EIF2AK3: variants seen among roughly 807,000 people sequenced by gnomAD.
EIF2AK3 encodes eukaryotic translation initiation factor 2-alpha kinase 3.
Under a neutral mutation model 113.5 loss-of-function variants are expected in EIF2AK3, and 50 were observed. The observed-to-expected ratio is 0.44, with a 90% CI of 0.35 to 0.56. The LOEUF is 0.56. EIF2AK3 is among the 20% of genes least tolerant of loss of function. The pLI, the probability that EIF2AK3 is intolerant of heterozygous loss-of-function variation, is 0.00. For missense variants in EIF2AK3, 1,185 were observed against 1,378.0 expected, an observed-to-expected ratio of 0.86 and a Z score of 2.22; for synonymous variants, 448 against 495.4, an observed-to-expected ratio of 0.90 and a Z score of 1.27.
chr2:88,560,706 G>T (rs980410400), intron 15 of EIF2AK3, among the ~76,000 whole-genome samples: 2 of 148,908 alleles, frequency 1.3e-5, no homozygotes, highest in African/African-American at 4.9e-5. Context: ...AGCTTTTAGG[G>T]CCTTTATTTC....
intron 14 of EIF2AK3, among the ~76,000 whole-genome samples, chr2:88,563,500 T>TCA (rs767741469): frequency 1.3e-5 from 2 of 152,206 alleles, no homozygotes; most frequent in Non-Finnish European, 2.9e-5. Flanking sequence ...AAGGACACCC[T>TCA]CACACACTAT....
chr2:88,583,899 GCAAA>G (rs71960349), intron 9 of EIF2AK3, among the ~76,000 whole-genome samples: 22,191 of 151,816 alleles, frequency 0.15, 2,737 homozygotes, highest in African/African-American at 0.34. Flanking sequence ...GGGAAAAAAA[GCAAA>G]CAAACAAAAA....
intron 8 of EIF2AK3, among the ~76,000 whole-genome samples, chr2:88,586,552 T>C (rs1266629493): frequency 6.6e-6 from 1 of 151,824 alleles, no homozygotes; most frequent in Non-Finnish European, 1.5e-5. Flanking sequence ...TGTCTTCTAT[T>C]TTGTACTACG....
chr2:88,616,170 A>G (rs1675563912), intron 1 of EIF2AK3, among the ~76,000 whole-genome samples: 2 of 152,100 alleles, frequency 1.3e-5, no homozygotes, highest in African/African-American at 4.8e-5. Flanking sequence ...AATACCATCT[A>G]TATCCTGGCA....
chr2:88,623,357 T>A (rs1446074855), intron 1 of EIF2AK3, among the ~76,000 whole-genome samples: 2 of 152,200 alleles, frequency 1.3e-5, no homozygotes, highest in Non-Finnish European at 2.9e-5. Context: ...AACAAGTTTA[T>A]TTTAGCTAAC....
In EIF2AK3 at chr2:88,627,198, C is replaced by A; in HGVS notation, c.77G>T (p.Arg26Met). The A allele has an allele frequency of 6.9e-7, 1 of 1,456,400 alleles. No homozygotes were observed. Among genetic ancestry groups the A allele is most frequent in the Non-Finnish European group, 9.0e-7 (1 of 1,112,362 alleles). 90.2% of individuals were successfully genotyped at this position (1,456,400 alleles called of 1,614,324 possible). A position where few individuals can be genotyped will look rare whatever the true frequency, so the allele number is the denominator to read the frequency against. ...ACGGGCGCGCCCCGCGGCCACCGTCCTTGCCGCGAGCCCCAGCAGCAGCAG... is the reference window on the plus strand; with the variant it reads ...ACGGGCGCGCCCCGCGGCCACCGTCATTGCCGCGAGCCCCAGCAGCAGCAG... ...LLLLLLGLAARTVAAGRARGL... is the reference protein window; with the variant it reads ...LLLLLLGLAAMTVAAGRARGL... Residue 26 changes from arginine to methionine, a missense_variant, in exon 1 of 17, where the codon AGG (arginine) becomes ATG (methionine). Physicochemically the swap from Arg to Met is moderately conservative, Grantham distance 91. Around this residue, in one of 3 missense-constraint regions of EIF2AK3, gnomAD observed 189 missense variants for 175.2 expected, o/e 1.08. Coordinates refer to ENST00000303236, the MANE Select transcript of EIF2AK3 (RefSeq NM_004836.7).
chr2:88,591,885 TCAAA>T (rs1674896328), intron 4 of EIF2AK3, among the ~76,000 whole-genome samples: 1 of 152,104 alleles, frequency 6.6e-6, no homozygotes, highest in Non-Finnish European at 1.5e-5. Flanking sequence ...CAGTAAGCAC[TCAAA>T]CACTTAAAAA....
chr2:88,576,642 C>T lies in EIF2AK3; in HGVS notation c.1948G>A (p.Gly650Ser). 1 of 1,614,030 alleles carries T rather than the reference C, an allele frequency of 6.2e-7. No homozygotes were observed. The highest frequency in any genetic ancestry group is 8.5e-7 in the Non-Finnish European group (1 of 1,179,990). ...CAGGCATTGAAATATCTAACAATGC[C>T]CGGGTGTTCAAGCTTGGCTAAGGCT... ...VKALAKLEHPGIVRYFNAWLE... is the reference protein window; with the variant it reads ...VKALAKLEHPSIVRYFNAWLE... Residue 650 changes from glycine to serine, a missense_variant, in exon 12 of 17, where the codon GGC becomes AGC. This residue lies in a region of EIF2AK3 where 877 missense variants were observed against 1,024.2 expected (regional missense o/e 0.86). Coordinates refer to ENST00000303236, the MANE Select transcript of EIF2AK3 (RefSeq NM_004836.7).
chr2:88,576,856 A>G (rs965734967), intron 11 of EIF2AK3, among the ~76,000 whole-genome samples, 153 bp from the exon 12 acceptor site: 5 of 152,216 alleles, frequency 3.3e-5, no homozygotes, highest in African/African-American at 9.6e-5. Context: ...TGAAAAAGAG[A>G]GAAAGTAAGA....
At chr2:88,587,150 A>G (rs1674756018) in intron 8 of EIF2AK3, among the ~76,000 whole-genome samples, 1 of 135,712 alleles carries the variant, frequency 7.4e-6, no homozygotes, top group African/African-American at 2.7e-5. Flanking sequence ...GGTTGTAGTG[A>G]GCCGAGATTG....
chr2:88,612,063 G>C (rs1350799500), intron 2 of EIF2AK3, among the ~76,000 whole-genome samples: 1 of 152,126 alleles, frequency 6.6e-6, no homozygotes. Flanking sequence ...TAAGAATGTT[G>C]AACTGTAGTT....
intron 2 of EIF2AK3, among the ~76,000 whole-genome samples, chr2:88,610,648 C>T (rs1171824785): frequency 1.3e-5 from 2 of 152,138 alleles, no homozygotes; most frequent in African/African-American, 2.4e-5. Context: ...ATGTAAAATG[C>T]TACTTTTCTC....
intron 16 of EIF2AK3, 34 bp from the exon 17 acceptor site, chr2:88,557,970 GCC>G: frequency 6.3e-7 from 1 of 1,596,138 alleles, no homozygotes; most frequent in South Asian, 1.1e-5. Flanking sequence ...TGATAAAACG[GCC>G]AGGTTTGATC....
intron 1 of EIF2AK3, among the ~76,000 whole-genome samples, chr2:88,625,508 A>C (rs1373425247): frequency 1.3e-5 from 2 of 152,180 alleles, no homozygotes; most frequent in Non-Finnish European, 2.9e-5. Context: ...ACCTAGTAGA[A>C]CACCACAAAA....
At chr2:88,596,512 G>A (rs545904257) in intron 2 of EIF2AK3, among the ~76,000 whole-genome samples, 90 of 152,266 alleles carry the variant, frequency 5.9e-4, no homozygotes, top group African/African-American at 2.1e-3. Flanking sequence ...TGGTAAATAC[G>A]CATGGGGTGG....
In EIF2AK3 at chr2:88,575,360, T is replaced by C; in HGVS notation, c.2123A>G (p.His708Arg). The change falls in exon 13 of 17, where the codon CAT (histidine) becomes CGT (arginine). Residue 708 changes from histidine to arginine, a missense_variant. His to Arg is a conservative substitution (Grantham distance 29). This residue lies in a region of EIF2AK3 where 877 missense variants were observed against 1,024.2 expected (regional missense o/e 0.86). Transcript: ENST00000303236. ...RRMDPFATKE[H>R]IEIIAPSPQR... ...TGGTGAAGGAGCTATGATTTCAATA[T>C]GTTCTTTTGTAGCGAAAGGATCCAT... The C allele has an allele frequency of 1.3e-5, 21 of 1,614,182 alleles. No individual in the cohort carries two copies. The highest frequency in any genetic ancestry group is 1.8e-5 in the Non-Finnish European group (21 of 1,180,032).
chr2:88,578,297 C>T (rs1217965078), intron 11 of EIF2AK3, among the ~76,000 whole-genome samples: 1 of 152,178 alleles, frequency 6.6e-6, no homozygotes, highest in Non-Finnish European at 1.5e-5. Flanking sequence ...CCTGCAATCC[C>T]AGCACTTCGG....
chr2:88,587,801 T>C (rs1259450568), intron 8 of EIF2AK3, among the ~76,000 whole-genome samples, 181 bp downstream of exon 8: 1 of 152,162 alleles, frequency 6.6e-6, no homozygotes, highest in Non-Finnish European at 1.5e-5. Flanking sequence ...ACCTAGCATG[T>C]GGCAAAAATG....
intron 14 of EIF2AK3, among the ~76,000 whole-genome samples, chr2:88,563,320 C>A (rs897067557): frequency 2.0e-5 from 3 of 152,096 alleles, no homozygotes; most frequent in Non-Finnish European, 2.9e-5. Flanking sequence ...GCCTGCCTGC[C>A]TCTGTACTTA....
Sources: gnomAD v4.1 joint callset for allele counts (sites outside exome capture counted in the v4.1 genomes callset) on GRCh38, gnomAD v4.1.1 for gene constraint, gnomAD v4.1.1 regional missense constraint, MANE v1.5 for transcripts, NCBI Gene and HGNC (gene_info 2026-07-23, HGNC 2026-07-21) for gene names.